The following SGCD variants were observed in gnomAD, a reference collection of about 807,000 sequenced individuals.
The protein encoded by SGCD is delta-sarcoglycan.
In SGCD, 18 loss-of-function variants were observed where a neutral mutation model predicts 36.6. The observed-to-expected ratio is 0.49, with a 90% CI of 0.34 to 0.73. The LOEUF is 0.73. Among genes scored for constraint, SGCD ranks in the 30% least tolerant of loss-of-function variants. The pLI, the probability that SGCD is intolerant of heterozygous loss-of-function variation, is 0.01. For synonymous variants in SGCD, 133 were observed against 130.6 expected (o/e 1.02, Z -0.12); for missense variants, 387 against 346.7 (o/e 1.12, Z -0.92).
chr5:156,261,162 T>G (rs1306857383), intron 3 of SGCD, among the ~76,000 whole-genome samples: 2 of 152,190 alleles, frequency 1.3e-5, no homozygotes, highest in African/African-American at 4.8e-5. Flanking sequence ...ACTGGTTTTA[T>G]AAAATGAATT....
chr5:156,166,078 T>G (rs1000329505), intron 3 of SGCD, among the ~76,000 whole-genome samples: 4 of 90,296 alleles, frequency 4.4e-5, no homozygotes, highest in Non-Finnish European at 1.0e-4. Flanking sequence ...ATTTTTCTCT[T>G]CCGGTGTCTG....
intron 3 of SGCD, among the ~76,000 whole-genome samples, chr5:156,422,912 A>G (rs1477767209): frequency 6.6e-6 from 1 of 151,676 alleles, no homozygotes; most frequent in East Asian, 1.9e-4. Flanking sequence ...TAGGATCACG[A>G]AAGGAAATTT....
intron 1 of SGCD, among the ~76,000 whole-genome samples, chr5:155,909,349 C>A (rs1387018969): frequency 2.0e-5 from 3 of 152,098 alleles, no homozygotes; most frequent in Non-Finnish European, 4.4e-5. Flanking sequence ...CTAAGGGGAT[C>A]TTTCATACTT....
intron 3 of SGCD, among the ~76,000 whole-genome samples, chr5:156,478,642 G>A (rs1370690812): frequency 1.3e-5 from 2 of 152,096 alleles, no homozygotes; most frequent in Non-Finnish European, 2.9e-5. Flanking sequence ...GTGCAATGGT[G>A]CAATCTCAGC....
chr5:156,714,931 A>G (rs1328294646), intron 7 of SGCD, among the ~76,000 whole-genome samples: 1 of 152,206 alleles, frequency 6.6e-6, no homozygotes, highest in Non-Finnish European at 1.5e-5. Flanking sequence ...TGAGAATTGT[A>G]TAAATATATC....
intron 3 of SGCD, among the ~76,000 whole-genome samples, chr5:156,134,704 G>A: frequency 6.8e-6 from 1 of 146,598 alleles, no homozygotes; most frequent in Non-Finnish European, 1.5e-5. Flanking sequence ...GTGGGGTTGG[G>A]GGAGGGGGGA....
At chr5:155,940,671 C>T (rs1039598922) in intron 1 of SGCD, among the ~76,000 whole-genome samples, 3 of 151,956 alleles carry the variant, frequency 2.0e-5, no homozygotes, top group African/African-American at 7.3e-5. Context: ...GGTGAAACCC[C>T]GTCTCTACTA....
chr5:155,992,306 A>G (rs1222216492), intron 1 of SGCD, among the ~76,000 whole-genome samples: 1 of 151,994 alleles, frequency 6.6e-6, no homozygotes, highest in African/African-American at 2.4e-5. Flanking sequence ...CTGCAACTCT[A>G]TTTTCTTTGC....
the SGCD span, among the ~76,000 whole-genome samples, chr5:155,800,140 G>A: frequency 6.6e-6 from 1 of 151,852 alleles, no homozygotes. Context: ...TTGTTTTTCT[G>A]GGATAGTTTA....
At chr5:155,795,511 A>T in the SGCD span, among the ~76,000 whole-genome samples, 1 of 152,200 alleles carries the variant, frequency 6.6e-6, no homozygotes, top group Non-Finnish European at 1.5e-5. Flanking sequence ...CTAACAAACT[A>T]GTAAATTATT....
intron 1 of SGCD, among the ~76,000 whole-genome samples, chr5:155,982,101 A>G (rs551618967): frequency 6.6e-6 from 1 of 152,212 alleles, no homozygotes; most frequent in East Asian, 1.9e-4. Context: ...CCCAATTTAA[A>G]TTATTGGCCT....
At chr5:155,999,644 A>G (rs746093233) in intron 1 of SGCD, among the ~76,000 whole-genome samples, 17 of 152,222 alleles carry the variant, frequency 1.1e-4, no homozygotes, top group Non-Finnish European at 2.2e-4. Flanking sequence ...TTAACTTCAA[A>G]GCAGTGGCAA....
intron 3 of SGCD, among the ~76,000 whole-genome samples, chr5:156,380,260 G>A (rs998028300): frequency 2.6e-5 from 4 of 152,080 alleles, no homozygotes; most frequent in Non-Finnish European, 5.9e-5. Flanking sequence ...TTAATGTACT[G>A]CACACCTTAC....
At chr5:155,958,839 G>A (rs1411694370) in intron 1 of SGCD, among the ~76,000 whole-genome samples, 1 of 152,082 alleles carries the variant, frequency 6.6e-6, no homozygotes, top group African/African-American at 2.4e-5. Flanking sequence ...CACTTAGAAG[G>A]CACATAGTAA....
At chr5:155,815,515 C>G in the SGCD span, among the ~76,000 whole-genome samples, 1 of 152,150 alleles carries the variant, frequency 6.6e-6, no homozygotes, top group Admixed American at 6.5e-5. Flanking sequence ...CTGTAAAGAA[C>G]TACCTGAGAC....
At chr5:156,555,423 T>C (rs557330510) in intron 4 of SGCD, among the ~76,000 whole-genome samples, 1 of 152,274 alleles carries the variant, frequency 6.6e-6, no homozygotes, top group East Asian at 1.9e-4. Flanking sequence ...GGGCCGTATT[T>C]ATTCTTTTAC....
chr5:156,429,513 C>T (rs777914369), intron 3 of SGCD, among the ~76,000 whole-genome samples: 2 of 150,878 alleles, frequency 1.3e-5, no homozygotes, highest in Admixed American at 6.6e-5. Flanking sequence ...TTACATTTGA[C>T]ATTAGTATTA....
At chr5:155,762,096 G>A in the SGCD span, among the ~76,000 whole-genome samples, 1 of 152,140 alleles carries the variant, frequency 6.6e-6, no homozygotes. Context: ...ATAAGATGCT[G>A]CTTCTGTTTG....
At position 156,651,956 on chromosome 5, in the gene SGCD, G is replaced by C. The variant is rs544719381; in HGVS notation, c.575+4420G>C. ...GTTGTGTCAACTATGATTTGTTTCA[G>C]TTGTGTTTTATAGTTCTCCTTGTAG... On this transcript the variant is annotated intron_variant, in intron 7 of 8. Transcript: ENST00000337851. 3.6e-4 allele frequency among the ~76,000 whole-genome samples: 54 copies of C among 152,072 alleles called. No individual in the cohort carries two copies. The South Asian group carries it at 0.011, about 30-fold the overall frequency.
Sources: allele counts gnomAD v4.1 joint callset (sites outside exome capture counted in the v4.1 genomes callset), GRCh38; gene constraint gnomAD v4.1.1; transcripts MANE v1.5; gene names NCBI Gene and HGNC (gene_info 2026-07-23, HGNC 2026-07-21).